The following PCYOX1L variants were observed in gnomAD, a reference collection of about 807,000 sequenced individuals.
The protein encoded by PCYOX1L is prenylcysteine oxidase 1 like.
A neutral mutation model predicts 44.1 loss-of-function variants in PCYOX1L; 40 were observed. The ratio of observed to expected loss-of-function variants is 0.91; its 90% confidence interval spans 0.70 to 1.18. The LOEUF (loss-of-function observed/expected upper bound fraction) is 1.18, where lower values mean the gene tolerates loss of function less well. Ranked by LOEUF, PCYOX1L falls within the 50% of genes most tolerant of loss-of-function variation. The pLI, the probability that PCYOX1L is intolerant of heterozygous loss-of-function variation, is 0.00. For synonymous variants in PCYOX1L, 266 were observed against 282.8 expected (o/e 0.94, Z 0.60); for missense variants, 605 against 653.3 (o/e 0.93, Z 0.81).
intron 3 of PCYOX1L, chr5:149,365,262 T>C (rs1280854399): frequency 1.3e-5 from 2 of 152,382 alleles, no homozygotes; most frequent in African/African-American, 4.8e-5. Context: ...TCCTCTTCAC[T>C]TCCAGACCCA....
At position 149,362,862 on chromosome 5, in the gene PCYOX1L, G is replaced by T. The variant is rs1758058176; in HGVS notation, c.295+19G>T. ...CTGCTGGGTGAGTGGTCAGTCCTGG[G>T]GCTCCAGTGCCCAGCGCCCTGGGGC... is the stretch of plus-strand genomic sequence containing the variant. On this transcript the variant is annotated intron_variant, in intron 2 of 5. Transcript: ENST00000274569. 6.2e-7 allele frequency: 1 copy of T among 1,612,732 alleles called. No homozygotes were observed.
rs1757904505 is a variant in PCYOX1L at position 149,358,149 on chromosome 5, C to A, written c.81C>A (p.Gly27=). The A allele has an allele frequency of 4.1e-6, 6 of 1,457,392 alleles. No individual in the cohort carries two copies. The African/African-American group carries it at 5.9e-5, about 14-fold the overall frequency. The allele number at this position is 1,457,392 out of a possible 1,614,324, so 90.3% of individuals were successfully genotyped here. ...AAAAGGDAPP[G]KIAVVGAGIG... ...CTGCTGGCGGAGATGCCCCGCCGGGCAAAATCGGTGCGGGAAGGACGCGGT... is the reference window on the plus strand; with the variant it reads ...CTGCTGGCGGAGATGCCCCGCCGGGAAAAATCGGTGCGGGAAGGACGCGGT... The change falls in exon 1 of 6, where the codon GGC becomes GGA. Residue 27 remains glycine (G), a synonymous_variant. Coordinates refer to ENST00000274569, the MANE Select transcript of PCYOX1L (RefSeq NM_024028.4).
At position 149,368,208 on chromosome 5, in the gene PCYOX1L, G is replaced by A. The variant is rs771408382; in HGVS notation, c.1039G>A (p.Gly347Ser). 2.0e-5 allele frequency: 32 copies of A among 1,613,878 alleles called. No individual in the cohort carries two copies. Among genetic ancestry groups the A allele is most frequent in the African/African-American group, 5.3e-5 (4 of 74,844 alleles). ...CGGCTACCTCAACTCGTCCTACTTCGGTTTCCCAGACCCTAAGCTTTTCCC... is the reference window on the plus strand; with the variant it reads ...CGGCTACCTCAACTCGTCCTACTTCAGTTTCCCAGACCCTAAGCTTTTCCC... The part of the protein sequence containing the change: ...VHGYLNSSYF[G>S]FPDPKLFPFA... Residue 347 changes from glycine (G) to serine (S), a missense_variant, in exon 6 of 6, where the codon GGT (glycine) becomes AGT (serine). Gly to Ser is a moderately conservative substitution (Grantham distance 56). Transcript: ENST00000274569.
At chr5:149,364,382 G>A (rs925015640) in intron 3 of PCYOX1L, 172 bp downstream of exon 3, 2 of 694,186 alleles carry the variant, frequency 2.9e-6, no homozygotes, top group Non-Finnish European at 4.7e-6. Context: ...GCCGTATTTG[G>A]TCCAGTAATG....
In PCYOX1L at chr5:149,358,235, T is replaced by C. The variant is rs914970273; in HGVS notation, c.88+79T>C. ...GTTCTCAGTTCTCAGCTAGGTGGGG[T>C]ATAGGAGGGCGGCTGGGTGAGGGAG... On this transcript the variant is annotated intron_variant, in intron 1 of 5. Coordinates refer to ENST00000274569, the MANE Select transcript of PCYOX1L (RefSeq NM_024028.4). 6.2e-6 allele frequency: 8 copies of C among 1,292,198 alleles called. No individual in the cohort carries two copies. In the African/African-American group the frequency reaches 1.1e-4, roughly 18 times the overall value. 80.0% of individuals were successfully genotyped at this position (1,292,198 alleles called of 1,614,324 possible).
At position 149,362,461 on chromosome 5, in the gene PCYOX1L, C is replaced by T. The variant is rs1758034127; in HGVS notation, c.89-176C>T. ...GCAGCAGTTTTCAGGTTTGCCTTTG[C>T]TTATTAATAGCTCTACTGACAACTC... On this transcript the variant is annotated intron_variant, in intron 1 of 5. Transcript: ENST00000274569. 4.6e-6 allele frequency: 3 copies of T among 646,574 alleles called. No homozygotes were observed. The East Asian group carries it at 8.2e-5, about 18-fold the overall frequency. 40.1% of individuals were successfully genotyped at this position (646,574 alleles called of 1,614,324 possible).
At chr5:149,360,165 G>A (rs545012830) in intron 1 of PCYOX1L, among the ~76,000 whole-genome samples, 74 of 152,200 alleles carry the variant, frequency 4.9e-4, no homozygotes, top group Non-Finnish European at 9.7e-4. Context: ...TGCTAATTGC[G>A]CAGGAGTCTG....
intron 2 of PCYOX1L, chr5:149,363,137 G>T (rs187079272): frequency 5.8e-6 from 3 of 519,112 alleles, no homozygotes; most frequent in Middle Eastern, 4.5e-4. Flanking sequence ...GCTAGTGCTT[G>T]CCAGGCACCT....
chr5:149,361,389 G>A (rs955345881), intron 1 of PCYOX1L, among the ~76,000 whole-genome samples: 2 of 152,142 alleles, frequency 1.3e-5, no homozygotes, highest in South Asian at 2.1e-4. Context: ...ACTGATTGAT[G>A]TCTGTCCAGG....
chr5:149,364,596 G>A (rs1758137293), intron 3 of PCYOX1L: 3 of 185,770 alleles, frequency 1.6e-5, no homozygotes, highest in Admixed American at 5.5e-5. Context: ...GCAGCCAGCC[G>A]TGTACAATGC....
chr5:149,368,825 G>C lies in PCYOX1L; in HGVS notation c.*171G>C. 1 of 496,454 alleles carries C rather than the reference G, an allele frequency of 2.0e-6. No homozygotes were observed. The highest frequency in any genetic ancestry group is 2.0e-5 in the African/African-American group (1 of 50,388). The allele number at this position is 496,454 out of a possible 1,614,324, so 30.8% of individuals were successfully genotyped here. On this transcript the variant is annotated 3_prime_UTR_variant, in exon 6 of 6. Coordinates refer to ENST00000274569, the MANE Select transcript of PCYOX1L (RefSeq NM_024028.4). ...GCCTATATTAAGGGTCCACACGGCG[G>C]CTGCTGCTTTTTTTTAAGGGGGAAA...
intron 2 of PCYOX1L, 108 bp downstream of exon 2, chr5:149,362,951 C>G (rs1249110243): frequency 8.1e-7 from 1 of 1,227,390 alleles, no homozygotes; most frequent in Admixed American, 1.8e-5. Flanking sequence ...TCATGTGGCC[C>G]AATCTCATTT....
In PCYOX1L at chr5:149,364,222, A is replaced by G. The variant is rs761016098; in HGVS notation, c.470+12A>G. ...GAGAAGTTCATGAGGTAGGGCTGGC[A>G]GAGCTGTGGGGATGGCGTTCCAGGG... On this transcript the variant is annotated intron_variant, in intron 3 of 5. Coordinates refer to ENST00000274569, the MANE Select transcript of PCYOX1L (RefSeq NM_024028.4). 1.9e-6 allele frequency: 3 copies of G among 1,613,528 alleles called. No individual in the cohort carries two copies. Among genetic ancestry groups the G allele is most frequent in the East Asian group, 4.5e-5 (2 of 44,872 alleles).
Position 149,368,954 on chromosome 5 carries a change from G to T in PCYOX1L, c.*300G>T. 4.0e-6 allele frequency: 1 copy of T among 248,728 alleles called. No homozygotes were observed. The highest frequency in any genetic ancestry group is 7.6e-6 in the Non-Finnish European group (1 of 131,834). The allele number at this position is 248,728 out of a possible 1,614,324, so 15.4% of individuals were successfully genotyped here. A position where few individuals can be genotyped will look rare whatever the true frequency, so the allele number is the denominator to read the frequency against. On this transcript the variant is annotated 3_prime_UTR_variant, in exon 6 of 6. Transcript: ENST00000274569. ...AAGGTGCTTCAGACTTGGTTTCTTAGCTAGAAACCAGAAGACTACGGGAGG... is the reference window on the plus strand; with the variant it reads ...AAGGTGCTTCAGACTTGGTTTCTTATCTAGAAACCAGAAGACTACGGGAGG...
intron 3 of PCYOX1L, 83 bp from the exon 4 acceptor site, chr5:149,365,859 C>T (rs1758178914): frequency 7.5e-7 from 1 of 1,332,284 alleles, no homozygotes; most frequent in Non-Finnish European, 1.1e-6. Context: ...TCCTGGTGGG[C>T]CTCCCAGGCA....
chr5:149,368,320 G>A lies in PCYOX1L; in HGVS notation c.1151G>A (p.Arg384Gln), dbSNP rs757582064. ...CCTGTCAACATCTCTGCCAGCTTCCGGCGAAAGCAGCCCCAGGAGGCAGCT... is the reference window on the plus strand; with the variant it reads ...CCTGTCAACATCTCTGCCAGCTTCCAGCGAAAGCAGCCCCAGGAGGCAGCT... ...ICPVNISASF[R>Q]RKQPQEAAVW... Residue 384 changes from arginine to glutamine, a missense_variant, in exon 6 of 6, where the codon CGG becomes CAG. Arg to Gln is a conservative substitution (Grantham distance 43). Coordinates refer to ENST00000274569, the MANE Select transcript of PCYOX1L (RefSeq NM_024028.4). 2.2e-5 allele frequency: 36 copies of A among 1,613,996 alleles called. 2 individuals are homozygous for A. Among genetic ancestry groups the A allele is most frequent in the Admixed American group, 1.8e-4 (11 of 59,992 alleles).
At chr5:149,366,535 G>A (rs559231043) in intron 4 of PCYOX1L, among the ~76,000 whole-genome samples, 5 of 152,204 alleles carry the variant, frequency 3.3e-5, no homozygotes, top group Admixed American at 1.3e-4. Flanking sequence ...AGCTCTTCAC[G>A]GGAGTGGCTG....
At position 149,365,996 on chromosome 5, in the gene PCYOX1L, C is replaced by T. The variant is rs746210485; in HGVS notation, c.525C>T (p.Leu175=). ...CCTTCTCGGGTGTGGAGGAGCTGCT[C>T]TACTCACTGGGGGAGTCCACCTTTG... ...GYAFSGVEEL[L]YSLGESTFVN... Residue 175 remains leucine, a synonymous_variant, in exon 4 of 6, where the codon CTC becomes CTT. Coordinates refer to ENST00000274569, the MANE Select transcript of PCYOX1L (RefSeq NM_024028.4). The T allele has an allele frequency of 4.3e-6, 7 of 1,614,262 alleles. No homozygotes were observed. Among genetic ancestry groups the T allele is most frequent in the Non-Finnish European group, 5.9e-6 (7 of 1,180,044 alleles).
chr5:149,359,297 A>G (rs1757941938), intron 1 of PCYOX1L, among the ~76,000 whole-genome samples: 1 of 152,244 alleles, frequency 6.6e-6, no homozygotes, highest in Non-Finnish European at 1.5e-5. Flanking sequence ...CTTCTTGTGT[A>G]GCAGAACCAC....
Sources: allele counts gnomAD v4.1 joint callset (sites outside exome capture counted in the v4.1 genomes callset), GRCh38; gene constraint gnomAD v4.1.1; transcripts MANE v1.5; gene names NCBI Gene and HGNC (gene_info 2026-07-23, HGNC 2026-07-21).